PDE8B: variants seen among roughly 807,000 people sequenced by gnomAD.
The protein encoded by PDE8B is phosphodiesterase 8B, also known as high affinity cAMP-specific and IBMX-insensitive 3',5'-cyclic phosphodiesterase 8B.
PDE8B carries 26 observed loss-of-function variants against 101.3 expected under a neutral mutation model. That is an observed-to-expected ratio of 0.26 (90% CI 0.19 to 0.36). PDE8B has a LOEUF of 0.36. PDE8B is among the 10% of genes least tolerant of loss of function. The pLI, the probability that PDE8B is intolerant of heterozygous loss-of-function variation, is 1.00. For missense variants in PDE8B, 810 were observed against 1,163.1 expected (o/e 0.70, Z 4.42); for synonymous variants, 424 against 429.3 (o/e 0.99, Z 0.15).
the PDE8B span, chr5:77,142,231 C>T: frequency 6.6e-6 from 1 of 152,120 alleles, no homozygotes; most frequent in Non-Finnish European, 1.5e-5. Context: ...TATAAACAAT[C>T]CTTGAGGCAA....
the PDE8B span, among the ~76,000 whole-genome samples, chr5:77,102,352 G>A: frequency 6.6e-6 from 1 of 152,166 alleles, no homozygotes; most frequent in Non-Finnish European, 1.5e-5. Flanking sequence ...AGTTTCCCTA[G>A]GGTAATGGAG....
At chr5:77,383,022 C>T (rs1189343951) in intron 10 of PDE8B, among the ~76,000 whole-genome samples, 1 of 152,186 alleles carries the variant, frequency 6.6e-6, no homozygotes, top group African/African-American at 2.4e-5. Flanking sequence ...CACTGTCTTC[C>T]ACAATGGTTG....
At chr5:77,164,854 C>T in the PDE8B span, among the ~76,000 whole-genome samples, 2 of 152,144 alleles carry the variant, frequency 1.3e-5, no homozygotes, top group Non-Finnish European at 2.9e-5. Context: ...TGGGAAGGCA[C>T]AGGCAGAGCT....
chr5:77,280,466 G>A (rs986353599), intron 1 of PDE8B, among the ~76,000 whole-genome samples: 4 of 152,250 alleles, frequency 2.6e-5, no homozygotes, highest in African/African-American at 4.8e-5. Context: ...CATTCAAAAT[G>A]TAAGCATAGT....
the PDE8B span, among the ~76,000 whole-genome samples, chr5:77,149,164 A>C: frequency 1.3e-5 from 2 of 152,198 alleles, no homozygotes; most frequent in African/African-American, 4.8e-5. Flanking sequence ...TGTGTCAAAA[A>C]TCAATTGACC....
At chr5:77,188,411 C>A in the PDE8B span, among the ~76,000 whole-genome samples, 2 of 152,186 alleles carry the variant, frequency 1.3e-5, no homozygotes, top group African/African-American at 4.8e-5. Flanking sequence ...TCCAGAGTAG[C>A]ATTTTCAGGG....
the PDE8B span, among the ~76,000 whole-genome samples, chr5:77,181,160 G>C: frequency 6.6e-6 from 1 of 150,424 alleles, no homozygotes. Flanking sequence ...TGAATAGACG[G>C]AGCGTGGACT....
intron 6 of PDE8B, among the ~76,000 whole-genome samples, chr5:77,343,036 C>T (rs891469238): frequency 2.0e-5 from 3 of 152,240 alleles, no homozygotes; most frequent in African/African-American, 7.2e-5. Flanking sequence ...ACGTCATTGC[C>T]TCGTGTTAGT....
intron 10 of PDE8B, among the ~76,000 whole-genome samples, chr5:77,395,633 G>A (rs1790885228): frequency 6.6e-6 from 1 of 151,944 alleles, no homozygotes. Context: ...GCATCTGTAA[G>A]ACCCATGAGG....
intron 8 of PDE8B, among the ~76,000 whole-genome samples, chr5:77,350,584 C>T (rs557552771): frequency 6.6e-6 from 1 of 151,788 alleles, no homozygotes; most frequent in East Asian, 1.9e-4. Context: ...CTGGGGGGCC[C>T]GTAGGATGTT....
chr5:77,422,034 G>GA, intron 20 of PDE8B, 46 bp downstream of exon 20: 6 of 1,579,572 alleles, frequency 3.8e-6, no homozygotes, highest in Non-Finnish European at 5.2e-6. Context: ...CTGGGAATGG[G>GA]AACTAGGTCA....
At chr5:77,267,030 C>G (rs1761857911) in intron 1 of PDE8B, among the ~76,000 whole-genome samples, 1 of 152,064 alleles carries the variant, frequency 6.6e-6, no homozygotes, top group Non-Finnish European at 1.5e-5. Context: ...GAATTTGATT[C>G]ATTCTATATC....
chr5:77,213,592 T>A (rs1262582603), intron 1 of PDE8B, among the ~76,000 whole-genome samples: 1 of 152,252 alleles, frequency 6.6e-6, no homozygotes, highest in Non-Finnish European at 1.5e-5. Flanking sequence ...CCGTAAGAGT[T>A]TGAGATAGTT....
At chr5:77,096,200 G>T in the PDE8B span, among the ~76,000 whole-genome samples, 1 of 152,256 alleles carries the variant, frequency 6.6e-6, no homozygotes, top group Non-Finnish European at 1.5e-5. Flanking sequence ...TTGTTGGCAG[G>T]CTGGTCTTGA....
chr5:77,335,992 A>G (rs911905583), intron 5 of PDE8B, among the ~76,000 whole-genome samples: 2 of 152,198 alleles, frequency 1.3e-5, no homozygotes, highest in African/African-American at 2.4e-5. Context: ...TATATAAGAA[A>G]TGTAAACCAA....
chr5:77,152,669 C>T, the PDE8B span, among the ~76,000 whole-genome samples: 5 of 152,274 alleles, frequency 3.3e-5, no homozygotes, highest in African/African-American at 4.8e-5. Context: ...GTCTGGGGCA[C>T]GGCCTGGATG....
At chr5:77,283,296 A>T (rs1182593702) in intron 1 of PDE8B, among the ~76,000 whole-genome samples, 1 of 151,996 alleles carries the variant, frequency 6.6e-6, no homozygotes, top group Admixed American at 6.6e-5. Context: ...AACATCCCCC[A>T]CCAGAGTGGT....
chr5:77,239,660 C>T lies in PDE8B; in HGVS notation c.339+28396C>T, dbSNP rs576782161. On this transcript the variant is annotated intron_variant, in intron 1 of 21. Coordinates refer to ENST00000264917, the MANE Select transcript of PDE8B (RefSeq NM_003719.5). ...AATCGAAATCCACACTTTTGATGAA[C>T]ATGATCCAATTCCAATCTCTTATGC... 3.3e-5 allele frequency among the ~76,000 whole-genome samples: 5 copies of T among 152,346 alleles called. No homozygotes were observed. In the South Asian group the frequency reaches 8.3e-4, roughly 25 times the overall value.
In PDE8B at chr5:77,352,453, AAAG is replaced by A. The variant is rs1373368984; in HGVS notation, c.1107-889_1107-887del. On this transcript the variant is annotated intron_variant, in intron 9 of 21. Coordinates refer to ENST00000264917, the MANE Select transcript of PDE8B (RefSeq NM_003719.5). ...GTCTCTCTGATTTTACAGATAAGAA[AAAG>A]AAGTTCTTTTGTCCAGACACAATTT... is the stretch of plus-strand genomic sequence containing the variant. 2.1e-4 allele frequency among the ~76,000 whole-genome samples: 32 copies of A among 152,244 alleles called. 1 individual carries two copies. Among genetic ancestry groups the A allele is most frequent in the Admixed American group, 1.3e-4 (2 of 15,284 alleles).
Sources: gnomAD v4.1 joint callset for allele counts (sites outside exome capture counted in the v4.1 genomes callset) on GRCh38, gnomAD v4.1.1 for gene constraint, MANE v1.5 for transcripts, NCBI Gene and HGNC (gene_info 2026-07-23, HGNC 2026-07-21) for gene names.